The following TMT1A variants were observed in gnomAD, a reference collection of about 807,000 sequenced individuals.
The protein encoded by TMT1A is thiol methyltransferase 1A.
At chr12:50,925,686 G>T in the TMT1A span, 1 of 967,308 alleles carries the variant, frequency 1.0e-6, no homozygotes, top group Non-Finnish European at 1.5e-6. Flanking sequence ...GCGTGGGAGA[G>T]AAGCTATAAA....
chr12:50,926,267 G>A, the TMT1A span, among the ~76,000 whole-genome samples: 16 of 152,028 alleles, frequency 1.1e-4, no homozygotes, highest in Non-Finnish European at 1.9e-4. Context: ...GGACAAAAGT[G>A]CTCAAACTTA....
At chr12:50,925,049 C>A in the TMT1A span, 1 of 1,613,980 alleles carries the variant, frequency 6.2e-7, no homozygotes, top group Non-Finnish European at 8.5e-7. Flanking sequence ...ATGGAGCTTA[C>A]CATCTTTATC....
At chr12:50,931,660 G>A in the TMT1A span, 9 of 142,700 alleles carry the variant, frequency 6.3e-5, no homozygotes, top group Non-Finnish European at 1.2e-4. Context: ...GCAGTGAACC[G>A]AGATCATGCC....
At chr12:50,928,380 C>T in the TMT1A span, among the ~76,000 whole-genome samples, 1 of 152,136 alleles carries the variant, frequency 6.6e-6, no homozygotes, top group Admixed American at 6.5e-5. Context: ...TCAAGCGAAA[C>T]AGAAAGCTCT....
At chr12:50,925,292 T>C in the TMT1A span, 2 of 1,614,194 alleles carry the variant, frequency 1.2e-6, no homozygotes, top group Admixed American at 1.7e-5. Flanking sequence ...GGGGCCAACT[T>C]CAAGTTCTAC....
At chr12:50,928,914 C>T in the TMT1A span, among the ~76,000 whole-genome samples, 1 of 152,116 alleles carries the variant, frequency 6.6e-6, no homozygotes, top group Non-Finnish European at 1.5e-5. Context: ...GCCTCTCCTC[C>T]TTTATGCTGC....
the TMT1A span, chr12:50,925,501 C>A: frequency 6.2e-7 from 1 of 1,613,882 alleles, no homozygotes; most frequent in Non-Finnish European, 8.5e-7. Flanking sequence ...GAACCAGGAG[C>A]GGATTCTCCG....
At chr12:50,926,866 CTG>C in the TMT1A span, among the ~76,000 whole-genome samples, 1 of 152,158 alleles carries the variant, frequency 6.6e-6, no homozygotes, top group East Asian at 1.9e-4. Context: ...TCCGTAAAGT[CTG>C]TAATTCTTTA....
the TMT1A span, among the ~76,000 whole-genome samples, chr12:50,928,468 T>C: frequency 1.3e-5 from 2 of 152,218 alleles, no homozygotes; most frequent in Non-Finnish European, 2.9e-5. Flanking sequence ...CTGGATTCCC[T>C]GTTTGTAAAG....
chr12:50,931,090 CT>C, the TMT1A span: 11,006 of 137,106 alleles, frequency 0.08, 615 homozygotes, highest in African/African-American at 0.17. Context: ...TTTCCAATTG[CT>C]TTTTTTTTTT....
the TMT1A span, among the ~76,000 whole-genome samples, chr12:50,929,579 G>C: frequency 6.6e-6 from 1 of 152,214 alleles, no homozygotes; most frequent in Admixed American, 6.5e-5. Flanking sequence ...AGCAGCAGTT[G>C]CTAATTCCTA....
At chr12:50,925,367 G>C in the TMT1A span, 4 of 1,614,200 alleles carry the variant, frequency 2.5e-6, no homozygotes, top group Non-Finnish European at 3.4e-6. Flanking sequence ...TTGATCAAGA[G>C]CATTGCAGAG....
At chr12:50,928,911 C>T in the TMT1A span, among the ~76,000 whole-genome samples, 611 of 152,252 alleles carry the variant, frequency 4.0e-3, 4 homozygotes, top group African/African-American at 0.014. Flanking sequence ...CCTGCCTCTC[C>T]TCCTTTATGC....
At chr12:50,928,114 C>G in the TMT1A span, among the ~76,000 whole-genome samples, 1 of 152,176 alleles carries the variant, frequency 6.6e-6, no homozygotes, top group East Asian at 1.9e-4. Flanking sequence ...TGTGAGCCAC[C>G]GCGCCCAGCC....
At chr12:50,925,223 T>A in the TMT1A span, 3 of 1,614,230 alleles carry the variant, frequency 1.9e-6, no homozygotes, top group Non-Finnish European at 2.5e-6. Flanking sequence ...TTCAGTAACC[T>A]GCAGGAGTTT....
At chr12:50,925,040 T>C in the TMT1A span, 2 of 1,613,702 alleles carry the variant, frequency 1.2e-6, no homozygotes, top group East Asian at 4.5e-5. Flanking sequence ...TTCTGAGCAA[T>C]GGAGCTTACC....
At chr12:50,925,403 T>C in the TMT1A span, 1 of 1,614,038 alleles carries the variant, frequency 6.2e-7, no homozygotes, top group African/African-American at 1.3e-5. Flanking sequence ...TTTGAGCGCT[T>C]TGTGGTAGCT....
the TMT1A span, chr12:50,929,881 C>T: frequency 7.8e-6 from 12 of 1,545,388 alleles, no homozygotes; most frequent in Non-Finnish European, 9.6e-6. Flanking sequence ...TGAAAAAATC[C>T]TTGAAATGTT....
At chr12:50,925,640 C>G in the TMT1A span, 1 of 1,313,938 alleles carries the variant, frequency 7.6e-7, no homozygotes, top group South Asian at 1.6e-5. Flanking sequence ...AAAAAGTAAA[C>G]TACTAGAAAA....
Sources: allele counts gnomAD v4.1 joint callset (sites outside exome capture counted in the v4.1 genomes callset), GRCh38; gene constraint gnomAD v4.1.1; transcripts MANE v1.5; gene names NCBI Gene and HGNC (gene_info 2026-07-23, HGNC 2026-07-21).